The following TMEM177 variants were observed in gnomAD, a reference collection of about 807,000 sequenced individuals.
TMEM177 encodes the protein transmembrane protein 177.
TMEM177 carries 4 observed loss-of-function variants against 14.2 expected under a neutral mutation model. The ratio of observed to expected loss-of-function variants is 0.28; its 90% confidence interval spans 0.14 to 0.64. The LOEUF (loss-of-function observed/expected upper bound fraction) is 0.64. Among genes scored for constraint, TMEM177 ranks in the 30% least tolerant of loss-of-function variants. The pLI is 0.82. For synonymous variants in TMEM177, 179 were observed against 174.5 expected, an observed-to-expected ratio of 1.03 and a Z score of -0.20; for missense variants, 344 against 405.2, an observed-to-expected ratio of 0.85 and a Z score of 1.30.
chr2:119,721,145 A>G, the TMEM177 span, among the ~76,000 whole-genome samples: 1 of 152,178 alleles, frequency 6.6e-6, no homozygotes, highest in African/African-American at 2.4e-5. Flanking sequence ...CAGGATTAAG[A>G]CTGGTCACCA....
chr2:119,700,214 A>G, the TMEM177 span: 1 of 162,888 alleles, frequency 6.1e-6, no homozygotes, highest in South Asian at 1.6e-4. Flanking sequence ...GGAACAGGAA[A>G]CAGGAATGGG....
chr2:119,699,806 T>A, the TMEM177 span: 6 of 323,620 alleles, frequency 1.9e-5, no homozygotes, highest in African/African-American at 8.8e-5. Flanking sequence ...AATGGGGGAG[T>A]TGGTAGTGCC....
At chr2:119,690,076 T>C (rs1453465922), downstream of TMEM177, among the ~76,000 whole-genome samples, 2 of 152,208 alleles carry the variant, frequency 1.3e-5, no homozygotes, top group Non-Finnish European at 2.9e-5. Context: ...GGTTTGAATC[T>C]GTGTCCCCAA....
the TMEM177 span, among the ~76,000 whole-genome samples, chr2:119,719,097 A>C: frequency 6.6e-6 from 1 of 152,156 alleles, no homozygotes; most frequent in African/African-American, 2.4e-5. Context: ...TTCACGAATC[A>C]TGCCCACAGC....
downstream of TMEM177, among the ~76,000 whole-genome samples, chr2:119,688,515 CGTT>C (rs1328238319): frequency 2.0e-5 from 3 of 152,158 alleles, no homozygotes; most frequent in Admixed American, 1.3e-4. Flanking sequence ...CTGTAAAGCA[CGTT>C]GTTGTGCTGA....
downstream of TMEM177, chr2:119,685,981 C>G (rs1689008057): frequency 4.5e-6 from 2 of 447,182 alleles, no homozygotes; most frequent in African/African-American, 4.0e-5. Context: ...ATGTTTAGTG[C>G]AGCAGGGGGA....
At chr2:119,698,237 C>T in the TMEM177 span, among the ~76,000 whole-genome samples, 1 of 152,156 alleles carries the variant, frequency 6.6e-6, no homozygotes, top group African/African-American at 2.4e-5. Flanking sequence ...AATCTTTCCG[C>T]TTATTTGATG....
At chr2:119,707,298 G>A in the TMEM177 span, among the ~76,000 whole-genome samples, 2 of 152,150 alleles carry the variant, frequency 1.3e-5, no homozygotes, top group East Asian at 1.9e-4. Context: ...AGAGCACTGG[G>A]GAAGCAAATT....
the TMEM177 span, among the ~76,000 whole-genome samples, chr2:119,723,009 T>A: frequency 6.6e-6 from 1 of 152,236 alleles, no homozygotes; most frequent in Non-Finnish European, 1.5e-5. Context: ...TCTATGCTCC[T>A]CTGTATCTAA....
the TMEM177 span, among the ~76,000 whole-genome samples, chr2:119,712,407 G>A: frequency 3.3e-5 from 5 of 152,224 alleles, no homozygotes; most frequent in Non-Finnish European, 7.4e-5. Context: ...GTATTTGGAG[G>A]TAAGGCCTTT....
the TMEM177 span, among the ~76,000 whole-genome samples, chr2:119,714,720 T>G: frequency 2.6e-5 from 4 of 151,542 alleles, no homozygotes; most frequent in African/African-American, 4.9e-5. Flanking sequence ...GTGCTGGGGG[T>G]CACTGCAAGC....
the TMEM177 span, among the ~76,000 whole-genome samples, chr2:119,705,928 A>C: frequency 6.7e-6 from 1 of 150,278 alleles, no homozygotes; most frequent in African/African-American, 2.4e-5. Context: ...CATTCAGGAA[A>C]TAATTCCTTA....
chr2:119,681,482 TG>T lies in TMEM177; in HGVS notation c.631del (p.Ala211GlnfsTer143). On this transcript the variant is annotated frameshift_variant, in exon 2 of 2. Transcript: ENST00000272521. LOFTEE classifies it high-confidence loss of function. ...GCTGCCTTCAGCTTGGTGGCAGCAG[TG>T]GCAGGCTTTGTGGCCTACGCCTTCT... is the stretch of plus-strand genomic sequence containing the variant. ...LRAAFSLVAAVAGFVAYAFSQ... is the reference protein window; with the variant it reads ...LRAAFSLVAAXAGFVAYAFSQ... 1 of 1,613,600 alleles carries T rather than the reference TG, an allele frequency of 6.2e-7. No homozygotes were observed. The highest frequency in any genetic ancestry group is 2.2e-5 in the East Asian group (1 of 44,872).
In TMEM177 at chr2:119,680,907, C is replaced by A; in HGVS notation, c.54C>A (p.Gly18=). 6.2e-7 allele frequency: 1 copy of A among 1,614,248 alleles called. No individual in the cohort carries two copies. Among genetic ancestry groups the A allele is most frequent in the South Asian group, 1.1e-5 (1 of 91,088 alleles). ...TAAFVQRHRT[G]LLVGSCAGLF... ...CATTTGTGCAGAGACACAGGACAGG[C>A]CTCTTGGTGGGTTCCTGTGCAGGCC... Residue 18 remains glycine, a synonymous_variant, in exon 2 of 2, where the codon GGC becomes GGA. Transcript: ENST00000272521.
At chr2:119,709,894 T>C in the TMEM177 span, among the ~76,000 whole-genome samples, 2 of 152,170 alleles carry the variant, frequency 1.3e-5, no homozygotes, top group Middle Eastern at 3.4e-3. Context: ...CCAGCTAATC[T>C]TAGGGAAAGA....
At chr2:119,696,160 G>T in the TMEM177 span, among the ~76,000 whole-genome samples, 10 of 152,188 alleles carry the variant, frequency 6.6e-5, no homozygotes, top group South Asian at 2.1e-3. Flanking sequence ...CATGAGTGAG[G>T]TATAGGCAGC....
At chr2:119,707,933 T>C in the TMEM177 span, among the ~76,000 whole-genome samples, 4 of 152,244 alleles carry the variant, frequency 2.6e-5, no homozygotes, top group African/African-American at 7.2e-5. Flanking sequence ...CCTCGGGTAG[T>C]GTCCCTGCTG....
rs868673558 is a variant in TMEM177, at chr2:119,680,883, A to T, written c.30A>T (p.Ala10=). ...CAGGTCCCCTGTGGCGGACCGCAGC[A>T]TTTGTGCAGAGACACAGGACAGGCC... The part of the protein sequence containing the change: MAGPLWRTA[A]FVQRHRTGLL... Residue 10 remains alanine (A), a synonymous_variant, in exon 2 of 2, where the codon GCA becomes GCT. Coordinates refer to ENST00000272521, the MANE Select transcript of TMEM177 (RefSeq NM_030577.3). The T allele has an allele frequency of 1.2e-6, 2 of 1,613,972 alleles. No individual in the cohort carries two copies. Among genetic ancestry groups the T allele is most frequent in the Middle Eastern group, 1.6e-4 (1 of 6,062 alleles).
At chr2:119,700,310 CTTTCAAGGTGAGGCCAG>C in the TMEM177 span, among the ~76,000 whole-genome samples, 1 of 152,116 alleles carries the variant, frequency 6.6e-6, no homozygotes, top group Non-Finnish European at 1.5e-5. Context: ...AGGCCAGTGA[CTTTCAAGGTGAGGCCAG>C]TATCATTGTT....
Sources: allele counts gnomAD v4.1 joint callset (sites outside exome capture counted in the v4.1 genomes callset), GRCh38; gene constraint gnomAD v4.1.1; transcripts MANE v1.5; gene names NCBI Gene and HGNC (gene_info 2026-07-23, HGNC 2026-07-21).